Variants in SPRED1 observed in about 807,000 individuals in gnomAD.
SPRED1 encodes sprouty related EVH1 domain containing 1, also known as sprouty-related, EVH1 domain-containing protein 1.
In SPRED1, 18 loss-of-function variants were observed where a neutral mutation model predicts 52.3. The ratio of observed to expected loss-of-function variants is 0.34; its 90% confidence interval spans 0.24 to 0.51. The LOEUF is 0.51. SPRED1 is among the 20% of genes least tolerant of loss of function. The pLI, the probability that SPRED1 is intolerant of heterozygous loss-of-function variation, is 0.97. For synonymous variants in SPRED1, 155 were observed against 179.7 expected (o/e 0.86, Z 1.10); for missense variants, 485 against 551.0 (o/e 0.88, Z 1.20).
In SPRED1 at chr15:38,264,578, G is replaced by A. The variant is rs1595713670; in HGVS notation, c.32+11361G>A. On this transcript the variant is annotated intron_variant, in intron 1 of 6. Coordinates refer to ENST00000299084, the MANE Select transcript of SPRED1 (RefSeq NM_152594.3). ...CTGCTAAAATGTTTTTTTTAAAAAAGAGTGAACAGTATGGATGTTTGGATA... is the reference window on the plus strand; with the variant it reads ...CTGCTAAAATGTTTTTTTTAAAAAAAAGTGAACAGTATGGATGTTTGGATA... Among the ~76,000 whole-genome samples the A allele has an allele frequency of 2.0e-5, 3 of 151,830 alleles. 1 individual carries two copies. The South Asian group carries it at 6.2e-4, about 32-fold the overall frequency.
intron 1 of SPRED1, among the ~76,000 whole-genome samples, chr15:38,273,164 C>A (rs1894474741): frequency 6.6e-6 from 1 of 152,142 alleles, no homozygotes; most frequent in African/African-American, 2.4e-5. Context: ...TGTGGTGTTA[C>A]ATTTAAATCT....
chr15:38,263,848 A>T (rs1178612527), intron 1 of SPRED1, among the ~76,000 whole-genome samples: 1 of 152,206 alleles, frequency 6.6e-6, no homozygotes, highest in Non-Finnish European at 1.5e-5. Context: ...TCATAATGTT[A>T]TAAGAAAGTG....
intron 4 of SPRED1, among the ~76,000 whole-genome samples, chr15:38,338,397 C>A (rs1347696548): frequency 6.8e-6 from 1 of 148,030 alleles, no homozygotes; most frequent in Non-Finnish European, 1.5e-5. Flanking sequence ...CAAATAAATA[C>A]GTTTCCTGAA....
At chr15:38,302,529 T>C in intron 2 of SPRED1, among the ~76,000 whole-genome samples, 1 of 152,182 alleles carries the variant, frequency 6.6e-6, no homozygotes, top group Non-Finnish European at 1.5e-5. Context: ...TCAGTGATCC[T>C]ATGTTGCTTA....
chr15:38,315,723 G>C (rs184488766), intron 2 of SPRED1, among the ~76,000 whole-genome samples: 1 of 151,990 alleles, frequency 6.6e-6, no homozygotes, highest in East Asian at 1.9e-4. Flanking sequence ...GTGCTTAATA[G>C]TTGTATCTGT....
chr15:38,292,206 CCAA>C (rs1236779574), intron 1 of SPRED1, among the ~76,000 whole-genome samples: 2 of 152,144 alleles, frequency 1.3e-5, no homozygotes, highest in Non-Finnish European at 2.9e-5. Context: ...GCTCCAGTTC[CCAA>C]CAAGTTCCTC....
At chr15:38,292,959 A>G (rs1308466586) in intron 1 of SPRED1, among the ~76,000 whole-genome samples, 1 of 152,184 alleles carries the variant, frequency 6.6e-6, no homozygotes, top group African/African-American at 2.4e-5. Context: ...GCACATAACA[A>G]TGAGCCAGGC....
chr15:38,353,783 A>G lies in SPRED1; in HGVS notation c.*2119A>G, dbSNP rs1367047212. On this transcript the variant is annotated 3_prime_UTR_variant, in exon 7 of 7. Transcript: ENST00000299084. ...CTGAAGAAAATAACTTGCTGGCTAT[A>G]TAGGAAAATGCTGTGGAAATGAACT... The G allele has an allele frequency of 6.6e-6, 1 of 152,628 alleles. No homozygotes were observed. Among genetic ancestry groups the G allele is most frequent in the African/African-American group, 2.4e-5 (1 of 41,476 alleles). 9.5% of individuals were successfully genotyped at this position (152,628 alleles called of 1,614,324 possible).
chr15:38,253,094 G>C lies in SPRED1; in HGVS notation c.-92G>C. ...TGTGCCGCTGCCCCCGCGCCCCCCC[G>C]GCCGCCGCTGCCTCCTGCCCCTCGG... is the stretch of plus-strand genomic sequence containing the variant. On this transcript the variant is annotated 5_prime_UTR_variant, in exon 1 of 7. Transcript: ENST00000299084. 2.7e-6 allele frequency: 3 copies of C among 1,119,420 alleles called. No homozygotes were observed. The highest frequency in any genetic ancestry group is 4.0e-5 in the Admixed American group (2 of 49,500). The allele number at this position is 1,119,420 out of a possible 1,614,324, so 69.3% of individuals were successfully genotyped here.
chr15:38,317,799 T>TGC (rs1264255434), intron 2 of SPRED1, among the ~76,000 whole-genome samples: 36 of 59,464 alleles, frequency 6.1e-4, no homozygotes, highest in Admixed American at 5.0e-3. Context: ...TTTTTCTGCT[T>TGC]TCTTTTTTTT....
In SPRED1 at chr15:38,337,751, A is replaced by G. The variant is rs189820044; in HGVS notation, c.424-1986A>G. Among the ~76,000 whole-genome samples, 22 of 152,192 alleles carry G rather than the reference A, an allele frequency of 1.4e-4. No homozygotes were observed. In the East Asian group the frequency reaches 3.7e-3, roughly 25 times the overall value. Reference sequence around the variant, plus strand: ...CTTTATTTTAATTTATAATTTTAATATAACTTCTCAGTTATTATAATTTAG... The same window carrying G: ...CTTTATTTTAATTTATAATTTTAATGTAACTTCTCAGTTATTATAATTTAG... On this transcript the variant is annotated intron_variant, in intron 4 of 6. Coordinates refer to ENST00000299084, the MANE Select transcript of SPRED1 (RefSeq NM_152594.3).
intron 5 of SPRED1, among the ~76,000 whole-genome samples, chr15:38,346,688 T>A (rs1333868791): frequency 6.6e-6 from 1 of 152,216 alleles, no homozygotes; most frequent in African/African-American, 2.4e-5. Flanking sequence ...AGGTTTTTAT[T>A]GTTACAGGCA....
Position 38,253,215 on chromosome 15 carries a change from C to T in SPRED1, c.30C>T (p.Asn10=), listed in dbSNP as rs201692618. ...GCGAGGAGACGGCGACTTCTGACAA[C>T]GAGTAAGCGCCTCATTGATCTCGAT... The part of the protein sequence containing the change: MSEETATSD[N]DNSYARVRAV... Residue 10 remains asparagine (N), a splice_region_variant and synonymous_variant, in exon 1 of 7, where the codon AAC becomes AAT. Coordinates refer to ENST00000299084, the MANE Select transcript of SPRED1 (RefSeq NM_152594.3). The T allele has an allele frequency of 6.3e-7, 1 of 1,576,896 alleles. No individual in the cohort carries two copies. The highest frequency in any genetic ancestry group is 1.8e-5 in the Admixed American group (1 of 55,422).
intron 1 of SPRED1, among the ~76,000 whole-genome samples, chr15:38,294,012 T>C (rs1285680438): frequency 2.0e-5 from 3 of 152,158 alleles, no homozygotes; most frequent in Non-Finnish European, 4.4e-5. Context: ...ATTTTGTTTA[T>C]GTAGTATATG....
intron 1 of SPRED1, among the ~76,000 whole-genome samples, chr15:38,255,977 C>G (rs1048006956): frequency 5.0e-5 from 7 of 140,336 alleles, no homozygotes; most frequent in Non-Finnish European, 1.6e-5. Context: ...GGGCCTCATT[C>G]TGAAATCCTC....
chr15:38,294,893 T>A (rs1313810588), intron 1 of SPRED1, among the ~76,000 whole-genome samples: 2 of 152,210 alleles, frequency 1.3e-5, no homozygotes, highest in Non-Finnish European at 2.9e-5. Context: ...AAAACTCACA[T>A]TTGATTACAA....
At position 38,304,157 on chromosome 15, in the gene SPRED1, A is replaced by G. The variant is rs145872851; in HGVS notation, c.207+4610A>G. Among the ~76,000 whole-genome samples the G allele has an allele frequency of 1.2e-4, 19 of 152,314 alleles. No homozygotes were observed. The East Asian group carries it at 2.5e-3, about 20-fold the overall frequency. ...GTGGTTATAATATAGCAGTAGCTTT[A>G]TTAAAAATGAGACTCACCCCTTTCT... On this transcript the variant is annotated intron_variant, in intron 2 of 6. Coordinates refer to ENST00000299084, the MANE Select transcript of SPRED1 (RefSeq NM_152594.3).
intron 2 of SPRED1, among the ~76,000 whole-genome samples, chr15:38,302,410 T>C (rs1895164694): frequency 6.6e-6 from 1 of 152,110 alleles, no homozygotes; most frequent in African/African-American, 2.4e-5. Context: ...TATTTTACTT[T>C]ATTTTATTTT....
chr15:38,349,365 A>G lies in SPRED1; in HGVS notation c.583-57A>G. On this transcript the variant is annotated intron_variant, in intron 5 of 6. Transcript: ENST00000299084. ...TGAGGTTTTGGAACATACACTGTAC[A>G]GTTTCATTAAAAGTAAAATTCTTGT... The G allele has an allele frequency of 2.3e-6, 3 of 1,296,154 alleles. No homozygotes were observed. In the Admixed American group the frequency reaches 5.1e-5, roughly 22 times the overall value. The allele number at this position is 1,296,154 out of a possible 1,614,324, so 80.3% of individuals were successfully genotyped here.
Sources: allele counts gnomAD v4.1 joint callset (sites outside exome capture counted in the v4.1 genomes callset), GRCh38; gene constraint gnomAD v4.1.1; transcripts MANE v1.5; gene names NCBI Gene and HGNC (gene_info 2026-07-23, HGNC 2026-07-21).